The following RANBP17 variants were observed in gnomAD, a reference collection of about 807,000 sequenced individuals.
RANBP17 encodes ran-binding protein 17.
RANBP17 carries 158 observed loss-of-function variants against 141.2 expected under a neutral mutation model. The observed-to-expected ratio is 1.12, with a 90% CI of 0.98 to 1.28. The LOEUF is 1.28. Ranked by LOEUF, RANBP17 falls within the 50% of genes most tolerant of loss-of-function variation. The pLI, the probability that RANBP17 is intolerant of heterozygous loss-of-function variation, is 0.00. For synonymous variants in RANBP17, 430 were observed against 450.0 expected, an observed-to-expected ratio of 0.96 and a Z score of 0.56; for missense variants, 1,438 against 1,290.7, an observed-to-expected ratio of 1.11 and a Z score of -1.75.
At chr5:171,297,401 G>T (rs1179428367) in intron 27 of RANBP17, among the ~76,000 whole-genome samples, 1 of 152,154 alleles carries the variant, frequency 6.6e-6, no homozygotes, top group Non-Finnish European at 1.5e-5. Flanking sequence ...GAAAAAAAAG[G>T]CCTGCACCAT....
At chr5:170,982,949 G>T (rs1306724306) in intron 14 of RANBP17, 2 of 326,660 alleles carry the variant, frequency 6.1e-6, no homozygotes, top group East Asian at 1.3e-4. Context: ...TTTTGAGAAA[G>T]AAAATGAATT....
At chr5:171,065,166 T>G (rs1357940788) in intron 14 of RANBP17, among the ~76,000 whole-genome samples, 1 of 152,214 alleles carries the variant, frequency 6.6e-6, no homozygotes, top group Non-Finnish European at 1.5e-5. Flanking sequence ...GAGTTTATTC[T>G]TGGGTGTAGT....
At chr5:170,917,122 G>A (rs1772041722) in intron 9 of RANBP17, among the ~76,000 whole-genome samples, 1 of 152,108 alleles carries the variant, frequency 6.6e-6, no homozygotes, top group Non-Finnish European at 1.5e-5. Context: ...TATGACTAGA[G>A]ATTATCTATC....
chr5:170,870,726 G>A (rs991348352), intron 1 of RANBP17, among the ~76,000 whole-genome samples: 1 of 152,142 alleles, frequency 6.6e-6, no homozygotes, highest in African/African-American at 2.4e-5. Context: ...ATTCCTTTGA[G>A]TATATACCCA....
chr5:170,923,767 G>A (rs544046035), intron 11 of RANBP17, among the ~76,000 whole-genome samples: 1 of 151,864 alleles, frequency 6.6e-6, no homozygotes, highest in East Asian at 1.9e-4. Flanking sequence ...GTATGATACT[G>A]TTTTTTAAAT....
At chr5:171,158,479 A>C (rs1759058981) in intron 14 of RANBP17, 1 of 186,044 alleles carries the variant, frequency 5.4e-6, no homozygotes, top group Admixed American at 6.2e-5. Context: ...TTTCCATGGA[A>C]AATCTCCTAT....
At chr5:171,247,406 C>T (rs565396870) in intron 24 of RANBP17, among the ~76,000 whole-genome samples, 1 of 152,112 alleles carries the variant, frequency 6.6e-6, no homozygotes, top group African/African-American at 2.4e-5. Context: ...TTTTTCCTTT[C>T]CCAACAATGA....
chr5:171,288,242 G>A (rs1013970931), intron 25 of RANBP17, among the ~76,000 whole-genome samples: 2 of 152,140 alleles, frequency 1.3e-5, no homozygotes, highest in Non-Finnish European at 2.9e-5. Flanking sequence ...AACTCTCCAG[G>A]AATCACTACC....
At chr5:170,887,989 A>T (rs953269394) in intron 3 of RANBP17, among the ~76,000 whole-genome samples, 1 of 152,228 alleles carries the variant, frequency 6.6e-6, no homozygotes, top group African/African-American at 2.4e-5. Flanking sequence ...GTGGCAGTTA[A>T]GTTTCAGCAT....
intron 14 of RANBP17, among the ~76,000 whole-genome samples, chr5:170,996,066 G>T (rs1185450344): frequency 3.3e-5 from 5 of 152,018 alleles, no homozygotes; most frequent in Non-Finnish European, 7.4e-5. Flanking sequence ...TCATCTCAGG[G>T]CCTGTTATAT....
At chr5:170,953,022 A>G (rs1412253561) in intron 12 of RANBP17, among the ~76,000 whole-genome samples, 2 of 152,106 alleles carry the variant, frequency 1.3e-5, no homozygotes, top group Non-Finnish European at 2.9e-5. Flanking sequence ...AGTTAACTCT[A>G]CCATCAAACA....
chr5:171,188,593 A>G (rs1761422754), intron 18 of RANBP17, among the ~76,000 whole-genome samples: 1 of 152,232 alleles, frequency 6.6e-6, no homozygotes, highest in East Asian at 1.9e-4. Context: ...ACGGTCACAC[A>G]GAGTGAAAGA....
intron 14 of RANBP17, among the ~76,000 whole-genome samples, chr5:171,033,583 A>T (rs914718440): frequency 5.3e-5 from 8 of 152,094 alleles, no homozygotes; most frequent in Non-Finnish European, 8.8e-5. Context: ...TCATGAACAT[A>T]TGCTAATTTC....
intron 12 of RANBP17, among the ~76,000 whole-genome samples, chr5:170,936,070 C>T (rs548803679): frequency 2.0e-5 from 3 of 152,290 alleles, no homozygotes; most frequent in East Asian, 1.9e-4. Flanking sequence ...GAGCGAGGCT[C>T]CGTGGGCATG....
At chr5:171,069,532 T>C (rs1046934682) in intron 14 of RANBP17, among the ~76,000 whole-genome samples, 7 of 152,222 alleles carry the variant, frequency 4.6e-5, no homozygotes, top group Non-Finnish European at 7.4e-5. Flanking sequence ...CATTTAGCCA[T>C]TATTTCTGAA....
At chr5:170,890,393 T>C (rs539209279) in intron 3 of RANBP17, among the ~76,000 whole-genome samples, 1 of 152,266 alleles carries the variant, frequency 6.6e-6, no homozygotes, top group South Asian at 2.1e-4. Flanking sequence ...AAGGAAATTA[T>C]GCTTTTTTTC....
At chr5:171,131,115 C>T (rs752067849) in intron 14 of RANBP17, among the ~76,000 whole-genome samples, 4 of 152,186 alleles carry the variant, frequency 2.6e-5, no homozygotes, top group Non-Finnish European at 5.9e-5. Flanking sequence ...CTCAGATCCT[C>T]AGCTTTCTTG....
At chr5:171,172,617 C>T (rs1760176661) in intron 16 of RANBP17, among the ~76,000 whole-genome samples, 1 of 151,494 alleles carries the variant, frequency 6.6e-6, no homozygotes, top group South Asian at 2.1e-4. Context: ...CCTAGTATTG[C>T]AAACTCTGGC....
chr5:170,999,378 T>C (rs559886755), intron 14 of RANBP17, among the ~76,000 whole-genome samples: 23 of 152,166 alleles, frequency 1.5e-4, no homozygotes, highest in Non-Finnish European at 2.9e-4. Flanking sequence ...AGGCACATTA[T>C]GTTCAAGCAT....
Sources: gnomAD v4.1 joint callset for allele counts (sites outside exome capture counted in the v4.1 genomes callset) on GRCh38, gnomAD v4.1.1 for gene constraint, MANE v1.5 for transcripts, NCBI Gene and HGNC (gene_info 2026-07-23, HGNC 2026-07-21) for gene names.